Variants in EFCAB6 observed in about 807,000 individuals in gnomAD.
EFCAB6 encodes EF-hand calcium binding domain 6.
Under a neutral mutation model 169.8 loss-of-function variants are expected in EFCAB6, and 156 were observed. The ratio of observed to expected loss-of-function variants is 0.92; its 90% confidence interval spans 0.81 to 1.05. EFCAB6 has a LOEUF of 1.05. EFCAB6 is among the 50% of genes least tolerant of loss of function. The pLI is 0.00. For missense variants in EFCAB6, 1,800 were observed against 1,829.1 expected (o/e 0.98, Z 0.29); for synonymous variants, 698 against 676.4 (o/e 1.03, Z -0.50).
At position 43,723,627 on chromosome 22, in the gene EFCAB6, G is replaced by A. The variant is rs577952673; in HGVS notation, c.758-6655C>T. On this transcript the variant is annotated intron_variant, in intron 8 of 31. Coordinates refer to ENST00000262726, the MANE Select transcript of EFCAB6 (RefSeq NM_022785.4). ...TATGAATAAGGAAAACAAAGGTGGA[G>A]CCCACTCTGCCTCTACAATTCTTAC... Among the ~76,000 whole-genome samples, 2 of 152,326 alleles carry A rather than the reference G, an allele frequency of 1.3e-5. 1 individual carries two copies. The highest frequency in any genetic ancestry group is 4.8e-5 in the African/African-American group (2 of 41,566).
chr22:43,660,101 C>G (rs147690580), intron 17 of EFCAB6, among the ~76,000 whole-genome samples: 2 of 152,284 alleles, frequency 1.3e-5, no homozygotes, highest in East Asian at 3.9e-4. Flanking sequence ...AATGTGTTCA[C>G]AGAGAATGAA....
intron 6 of EFCAB6, among the ~76,000 whole-genome samples, chr22:43,748,494 C>T (rs931839321): frequency 2.0e-5 from 3 of 152,200 alleles, no homozygotes; most frequent in Admixed American, 6.5e-5. Flanking sequence ...CCATCCTCAA[C>T]GTGCATTGCA....
chr22:43,646,656 C>A, intron 17 of EFCAB6, among the ~76,000 whole-genome samples: 1 of 152,118 alleles, frequency 6.6e-6, no homozygotes, highest in East Asian at 1.9e-4. Context: ...AAAATTAATT[C>A]CACATGGATT....
In EFCAB6 at chr22:43,716,948, G is replaced by A; in HGVS notation, c.782C>T (p.Ala261Val). 6.4e-7 allele frequency: 1 copy of A among 1,563,988 alleles called. No homozygotes were observed. The highest frequency in any genetic ancestry group is 8.6e-7 in the Non-Finnish European group (1 of 1,156,710). ...NQEVSLENQQAKNSKKERLLG... is the reference protein window; with the variant it reads ...NQEVSLENQQVKNSKKERLLG... ...CAAACGTTCCTTTTTGGAATTTTTG[G>A]CTTGTTGATTCTCCAACGAGACCTC... is the stretch of plus-strand genomic sequence containing the variant. Residue 261 changes from alanine to valine, a missense_variant, in exon 9 of 32, where the codon GCC (alanine) becomes GTC (valine). Transcript: ENST00000262726.
intron 27 of EFCAB6, chr22:43,553,764 G>A (rs1406909569): frequency 6.6e-6 from 1 of 152,396 alleles, no homozygotes; most frequent in Non-Finnish European, 1.5e-5. Context: ...AGGCCATGAA[G>A]GGCCATAGCG....
Position 43,687,464 on chromosome 22 carries a change from T to TTTTAAA in EFCAB6, c.1142+6_1142+7insTTTAAA. On this transcript the variant is annotated splice_region_variant and intron_variant, in intron 11 of 31. Coordinates refer to ENST00000262726, the MANE Select transcript of EFCAB6 (RefSeq NM_022785.4). ...TAAAATTTGTTTTTTTTTTTTTTTT[T>TTTTAAA]ACATACCTATTTCTTTTTGTCAGGG... 7.0e-7 allele frequency: 1 copy of TTTTAAA among 1,422,224 alleles called. No homozygotes were observed. The highest frequency in any genetic ancestry group is 9.6e-7 in the Non-Finnish European group (1 of 1,046,330). 88.1% of individuals were successfully genotyped at this position (1,422,224 alleles called of 1,614,324 possible).
rs1295624008 is a variant in EFCAB6 at position 43,784,698 on chromosome 22, C to T, written c.-7-2373G>A. On this transcript the variant is annotated intron_variant, in intron 2 of 31. Transcript: ENST00000262726. Reference sequence around the variant, plus strand: ...ATATACACACACACACACACACACACACACACACACACACACACACATATA... The same window carrying T: ...ATATACACACACACACACACACACATACACACACACACACACACACATATA... Among the ~76,000 whole-genome samples, 37 of 127,800 alleles carry T rather than the reference C, an allele frequency of 2.9e-4. 2 individuals carry two copies. The highest frequency in any genetic ancestry group is 5.3e-4 in the Non-Finnish European group (31 of 58,382). The allele number at this position is 127,800 out of a possible 152,430, so 83.8% of individuals were successfully genotyped here. A position where few individuals can be genotyped will look rare whatever the true frequency, so the allele number is the denominator to read the frequency against.
At chr22:43,715,175 G>A (rs2059289374) in intron 9 of EFCAB6, among the ~76,000 whole-genome samples, 1 of 152,090 alleles carries the variant, frequency 6.6e-6, no homozygotes, top group Admixed American at 6.5e-5. Context: ...AGTCCCTTTG[G>A]GGACCTAATA....
intron 20 of EFCAB6, among the ~76,000 whole-genome samples, chr22:43,618,306 G>C: frequency 7.2e-6 from 1 of 138,516 alleles, no homozygotes. Flanking sequence ...AGAATGATGG[G>C]GCAGGGGAGA....
chr22:43,603,094 G>A (rs186548317), intron 22 of EFCAB6, among the ~76,000 whole-genome samples: 49 of 152,258 alleles, frequency 3.2e-4, no homozygotes, highest in African/African-American at 1.2e-3. Context: ...TCTAAGGAAG[G>A]ACTGCCCTCC....
chr22:43,565,375 T>C (rs138111665), intron 26 of EFCAB6, among the ~76,000 whole-genome samples: 3 of 152,230 alleles, frequency 2.0e-5, no homozygotes, highest in Admixed American at 1.3e-4. Flanking sequence ...GCTTGTTACA[T>C]AGTGATAGCT....
chr22:43,720,273 T>C (rs1488510270), intron 8 of EFCAB6, among the ~76,000 whole-genome samples: 1 of 151,894 alleles, frequency 6.6e-6, no homozygotes, highest in Non-Finnish European at 1.5e-5. Flanking sequence ...ATCCCAGCAC[T>C]TTGAGAGACC....
chr22:43,719,915 G>A, intron 8 of EFCAB6, among the ~76,000 whole-genome samples: 1 of 152,044 alleles, frequency 6.6e-6, no homozygotes, highest in East Asian at 1.9e-4. Context: ...CAGAAATCAG[G>A]AGCAAATTAC....
chr22:43,793,191 A>C (rs2062373482), intron 2 of EFCAB6, among the ~76,000 whole-genome samples: 2 of 152,202 alleles, frequency 1.3e-5, no homozygotes, highest in Admixed American at 6.5e-5. Context: ...CATGAAAAAA[A>C]AATAATCATA....
intron 20 of EFCAB6, among the ~76,000 whole-genome samples, chr22:43,617,022 C>G (rs1415138164): frequency 6.6e-6 from 1 of 152,138 alleles, no homozygotes; most frequent in South Asian, 2.1e-4. Context: ...GCTGCTTGCC[C>G]ATAAGTCTGC....
Position 43,746,522 on chromosome 22 carries a change from G to A in EFCAB6, c.507+9244C>T, listed in dbSNP as rs142612771. 1.6e-3 allele frequency among the ~76,000 whole-genome samples: 239 copies of A among 152,210 alleles called. 1 individual carries two copies. Among genetic ancestry groups the A allele is most frequent in the East Asian group, 6.6e-3 (34 of 5,170 alleles). ...CATTTTTAAAATGCTTACCTGTAAC[G>A]TATAGCTTATAGACTTCTTTTAAGA... is the stretch of plus-strand genomic sequence containing the variant. On this transcript the variant is annotated intron_variant, in intron 6 of 31. Transcript: ENST00000262726.
intron 31 of EFCAB6, among the ~76,000 whole-genome samples, chr22:43,530,385 G>T (rs1186195003): frequency 6.6e-6 from 1 of 152,234 alleles, no homozygotes; most frequent in African/African-American, 2.4e-5. Context: ...CAATGGTGGA[G>T]CCCCGCTGTG....
rs576016388 is a variant in EFCAB6, at chr22:43,624,421, C to T, written c.2465+2026G>A. Among the ~76,000 whole-genome samples, 110 of 152,282 alleles carry T rather than the reference C, an allele frequency of 7.2e-4. 2 individuals are homozygous for T. Among genetic ancestry groups the T allele is most frequent in the African/African-American group, 1.9e-3 (79 of 41,566 alleles). On this transcript the variant is annotated intron_variant, in intron 20 of 31. Coordinates refer to ENST00000262726, the MANE Select transcript of EFCAB6 (RefSeq NM_022785.4). ...ATAGAAGGTGACGTCCTTCACAGCC[C>T]GCCCTCCTGCCCTCCTGGCCTCCTC...
chr22:43,653,143 C>T (rs900005153), intron 17 of EFCAB6, among the ~76,000 whole-genome samples: 1 of 152,052 alleles, frequency 6.6e-6, no homozygotes, highest in Non-Finnish European at 1.5e-5. Flanking sequence ...AGAGAATGCG[C>T]ATAACAACAG....
Sources: gnomAD v4.1 joint callset for allele counts (sites outside exome capture counted in the v4.1 genomes callset) on GRCh38, gnomAD v4.1.1 for gene constraint, MANE v1.5 for transcripts, NCBI Gene and HGNC (gene_info 2026-07-23, HGNC 2026-07-21) for gene names.